Variants in PTX4 observed in about 807,000 individuals in gnomAD.
The protein encoded by PTX4 is pentraxin 4.
PTX4 carries 23 observed loss-of-function variants against 19.1 expected under a neutral mutation model. The ratio of observed to expected loss-of-function variants is 1.20; its 90% CI spans 0.87 to 1.70. The LOEUF (loss-of-function observed/expected upper bound fraction) is 1.70, where lower values mean the gene tolerates loss of function less well. Among genes scored for constraint, PTX4 ranks in the 40% most tolerant of loss-of-function variants. The pLI is 0.00. For missense variants in PTX4, 678 were observed against 610.5 expected (o/e 1.11, Z -1.17); for synonymous variants, 317 against 279.6 (o/e 1.13, Z -1.33).
In PTX4 at chr16:1,488,842, G is replaced by A. The variant is rs1428730689; in HGVS notation, c.68C>T (p.Ala23Val). Residue 23 changes from alanine (A) to valine (V), a missense_variant, in exon 1 of 3, where the codon GCT becomes GTT. Physicochemically the swap from Ala to Val is moderately conservative, Grantham distance 64 (BLOSUM62 0). Coordinates refer to ENST00000447419, the MANE Select transcript of PTX4 (RefSeq NM_001328608.2). Reference sequence around the variant, plus strand: ...CACTGGGGCGGCTTCCTGCGATGAAGCCCCATGTAGATATATAGGCACAAA... The same window carrying A: ...CACTGGGGCGGCTTCCTGCGATGAAACCCCATGTAGATATATAGGCACAAA... ...LVFVPIYLHG[A>V]SSQEAAPVGP... 4.3e-6 allele frequency: 3 copies of A among 702,582 alleles called. No homozygotes were observed. The highest frequency in any genetic ancestry group is 2.6e-6 in the Non-Finnish European group (1 of 384,676). The allele number at this position is 702,582 out of a possible 1,614,324, so 43.5% of individuals were successfully genotyped here. A position where few individuals can be genotyped will look rare whatever the true frequency, so the allele number is the denominator to read the frequency against.
At position 1,486,181 on chromosome 16, in the gene PTX4, C is replaced by CT. The variant is rs1567283755; in HGVS notation, c.1194dup (p.Gly399ArgfsTer?). 32 of 1,613,924 alleles carry CT rather than the reference C, an allele frequency of 2.0e-5. No individual in the cohort carries two copies. The highest frequency in any genetic ancestry group is 2.7e-5 in the Non-Finnish European group (32 of 1,179,950). On this transcript the variant is annotated frameshift_variant, in exon 3 of 3. Transcript: ENST00000447419. LOFTEE classifies it low-confidence loss of function (END_TRUNC). Reference sequence around the variant, plus strand: ...TGTTCCTGGCCCAGCACGAGGGACCCTCCGGGGGGGATCTCATAGCCCTCC... The same window carrying CT: ...TGTTCCTGGCCCAGCACGAGGGACCCTTCCGGGGGGGATCTCATAGCCCTCC...
In PTX4 at chr16:1,488,856, T is replaced by C. The variant is rs961667525; in HGVS notation, c.54A>G (p.Ile18Met). The change falls in exon 1 of 3, where the codon ATA (isoleucine) becomes ATG (methionine). Residue 18 changes from isoleucine (I) to methionine (M), a missense_variant. Transcript: ENST00000447419. ...CCTGCGATGAAGCCCCATGTAGATA[T>C]ATAGGCACAAAAACAAGGAAGAAAG... ...TLSFFLVFVP[I>M]YLHGASSQEA... The C allele has an allele frequency of 1.0e-5, 7 of 701,966 alleles. No individual in the cohort carries two copies. Among genetic ancestry groups the C allele is most frequent in the African/African-American group, 3.5e-5 (2 of 57,202 alleles). The allele number at this position is 701,966 out of a possible 1,614,324, so 43.5% of individuals were successfully genotyped here.
chr16:1,486,279 A>C lies in PTX4; in HGVS notation c.1097T>G (p.Ile366Ser), dbSNP rs372111414. Residue 366 changes from isoleucine (I) to serine (S), a missense_variant, in exon 3 of 3, where the codon ATC becomes AGC. Physicochemically the swap from Ile to Ser is moderately radical, Grantham distance 142. Transcript: ENST00000447419. Reference sequence around the variant, plus strand: ...GTACCTGCCCTGGGTGGACGTCCAGATGACACAGATGTGGTGCCACTGGCC... The same window carrying C: ...GTACCTGCCCTGGGTGGACGTCCAGCTGACACAGATGTGGTGCCACTGGCC... Reference protein sequence around the residue: ...LDGQWHHICVIWTSTQGRYWL... With the variant: ...LDGQWHHICVSWTSTQGRYWL... 6.2e-7 allele frequency: 1 copy of C among 1,613,594 alleles called. No homozygotes were observed. The highest frequency in any genetic ancestry group is 1.3e-5 in the African/African-American group (1 of 75,076).
At chr16:1,486,715 G>T in intron 2 of PTX4, 136 bp from the exon 3 acceptor site, 1 of 884,810 alleles carries the variant, frequency 1.1e-6, no homozygotes, top group Non-Finnish European at 1.7e-6. Context: ...CGCTGGCCCT[G>T]CCGATGGCTC....
At position 1,487,341 on chromosome 16, in the gene PTX4, T is replaced by C. The variant is rs139819657; in HGVS notation, c.771A>G (p.Ala257=). Reference sequence around the variant, plus strand: ...TCTCTCCTGGCACCTGGGGGGACCATGCCTGCTGCCGAGGGTCTTTTGGGG... The same window carrying C: ...TCTCTCCTGGCACCTGGGGGGACCACGCCTGCTGCCGAGGGTCTTTTGGGG... ...GTAPKDPRQQ[A]WSPQVPGEIC... Residue 257 remains alanine (A), a synonymous_variant, in exon 2 of 3, where the codon GCA becomes GCG. Coordinates refer to ENST00000447419, the MANE Select transcript of PTX4 (RefSeq NM_001328608.2). 8 of 1,553,058 alleles carry C rather than the reference T, an allele frequency of 5.2e-6. No individual in the cohort carries two copies. In the East Asian group the frequency reaches 1.4e-4, roughly 27 times the overall value.
Position 1,488,306 on chromosome 16 carries a change from C to T in PTX4, c.142-336G>A, listed in dbSNP as rs746245630. 9 of 1,603,186 alleles carry T rather than the reference C, an allele frequency of 5.6e-6. No individual in the cohort carries two copies. The South Asian group carries it at 8.8e-5, about 16-fold the overall frequency. Reference sequence around the variant, plus strand: ...TGTGAGCAGGGGACGGCAGGGTGGCCTCATGAGTGCTTTACGAGGCCCAAA... The same window carrying T: ...TGTGAGCAGGGGACGGCAGGGTGGCTTCATGAGTGCTTTACGAGGCCCAAA... On this transcript the variant is annotated intron_variant, in intron 1 of 2. Coordinates refer to ENST00000447419, the MANE Select transcript of PTX4 (RefSeq NM_001328608.2).
At chr16:1,488,378 C>T in intron 1 of PTX4, 2 of 1,613,950 alleles carry the variant, frequency 1.2e-6, no homozygotes, top group Non-Finnish European at 1.7e-6. Context: ...CACTCCGGAA[C>T]TGTCCGTGGA....
chr16:1,487,231 T>C, intron 2 of PTX4, 85 bp downstream of exon 2: 1 of 1,339,354 alleles, frequency 7.5e-7, no homozygotes, highest in South Asian at 1.8e-5. Flanking sequence ...ACTGAACCTC[T>C]TTTGAGAAGC....
intron 1 of PTX4, 122 bp downstream of exon 1, chr16:1,488,647 C>A: frequency 1.6e-6 from 1 of 638,338 alleles, no homozygotes. Flanking sequence ...ATGGAAAGAG[C>A]GTCACACGCG....
chr16:1,488,828 C>T lies in PTX4; in HGVS notation c.82G>A (p.Ala28Thr), dbSNP rs1278631534. Reference sequence around the variant, plus strand: ...GGTTTCCTGGGCCCCACTGGGGCGGCTTCCTGCGATGAAGCCCCATGTAGA... The same window carrying T: ...GGTTTCCTGGGCCCCACTGGGGCGGTTTCCTGCGATGAAGCCCCATGTAGA... ...IYLHGASSQE[A>T]APVGPRKPFF... Residue 28 changes from alanine to threonine, a missense_variant, in exon 1 of 3, where the codon GCC (alanine) becomes ACC (threonine). Transcript: ENST00000447419. 2.8e-6 allele frequency: 2 copies of T among 702,452 alleles called. No individual in the cohort carries two copies. The highest frequency in any genetic ancestry group is 2.0e-5 in the Admixed American group (1 of 49,968). The allele number at this position is 702,452 out of a possible 1,614,324, so 43.5% of individuals were successfully genotyped here. A position where few individuals can be genotyped will look rare whatever the true frequency, so the allele number is the denominator to read the frequency against.
chr16:1,488,346 C>G (rs766152448), intron 1 of PTX4: 7 of 1,613,304 alleles, frequency 4.3e-6, no homozygotes, highest in Non-Finnish European at 5.9e-6. Flanking sequence ...AAGCACCCAG[C>G]GCAGGCCCGA....
chr16:1,486,091 T>C lies in PTX4; in HGVS notation c.1285A>G (p.Ile429Val), dbSNP rs756703619. 5.6e-6 allele frequency: 9 copies of C among 1,614,170 alleles called. No homozygotes were observed. The highest frequency in any genetic ancestry group is 5.0e-5 in the Admixed American group (3 of 60,026). Residue 429 changes from isoleucine to valine, a missense_variant, in exon 3 of 3, where the codon ATC (isoleucine) becomes GTC (valine). Physicochemically the swap from Ile to Val is conservative, Grantham distance 29. Coordinates refer to ENST00000447419, the MANE Select transcript of PTX4 (RefSeq NM_001328608.2). ...AFVGSMSGLA[I>V]WDRALVPGEV... ...CCGGGAACCAGCGCCCGATCCCAGA[T>C]AGCCAAGCCAGACATGCTCCCCACG...
Position 1,486,152 on chromosome 16 carries a change from G to A in PTX4, c.1224C>T (p.Asp408=). Residue 408 remains aspartate, a synonymous_variant, in exon 3 of 3, where the codon GAC becomes GAT. Transcript: ENST00000447419. ...GGSLVLGQEQ[D]SVGGGFDSSE... Reference sequence around the variant, plus strand: ...AGCTGTCGAATCCGCCCCCCACGCTGTCTTGTTCCTGGCCCAGCACGAGGG... The same window carrying A: ...AGCTGTCGAATCCGCCCCCCACGCTATCTTGTTCCTGGCCCAGCACGAGGG... The A allele has an allele frequency of 4.3e-6, 7 of 1,614,144 alleles. No individual in the cohort carries two copies. Among genetic ancestry groups the A allele is most frequent in the Non-Finnish European group, 5.9e-6 (7 of 1,180,028 alleles).
In PTX4 at chr16:1,487,985, C is replaced by T. The variant is rs189237168; in HGVS notation, c.142-15G>A. On this transcript the variant is annotated splice_polypyrimidine_tract_variant and intron_variant, in intron 1 of 2. Transcript: ENST00000447419. Reference sequence around the variant, plus strand: ...AATCTCCGGAACTGTAAGGAGGACACGGTGATGATGGGGCGGGCCGGGCCG... The same window carrying T: ...AATCTCCGGAACTGTAAGGAGGACATGGTGATGATGGGGCGGGCCGGGCCG... 2.1e-4 allele frequency: 319 copies of T among 1,515,684 alleles called. 1 individual carries two copies. The East Asian group carries it at 7.5e-3, about 36-fold the overall frequency. The allele number at this position is 1,515,684 out of a possible 1,614,324, so 93.9% of individuals were successfully genotyped here.
rs13334794 is a variant in PTX4 at position 1,488,068 on chromosome 16, G to A, written c.142-98C>T. ...CTCTCAAGTTGGGAGCAGCGGCCGC[G>A]TGCCCGGGCCACGGCCAGCACTGGC... is the stretch of plus-strand genomic sequence containing the variant. On this transcript the variant is annotated intron_variant, in intron 1 of 2. Transcript: ENST00000447419. The A allele has an allele frequency of 7.6e-4, 980 of 1,282,956 alleles. 9 individuals carry two copies. The African/African-American group carries it at 0.013, about 17-fold the overall frequency. The allele number at this position is 1,282,956 out of a possible 1,614,324, so 79.5% of individuals were successfully genotyped here.
Position 1,486,575 on chromosome 16 carries a change from G to A in PTX4, c.801C>T (p.Cys267=), listed in dbSNP as rs778394951. ...AWSPQVPGEI[C]GVGPTLVFPN... is the part of the protein sequence containing the mutation. ...GGAAAACGAGGGTGGGGCCCACGCC[G>A]CAAACTAGAAACAGAGGAGGGAGGG... is the stretch of plus-strand genomic sequence containing the variant. The change falls in exon 3 of 3, where the codon TGC becomes TGT. Residue 267 remains cysteine (C), a synonymous_variant. Transcript: ENST00000447419. The A allele has an allele frequency of 1.0e-5, 16 of 1,541,430 alleles. No homozygotes were observed. The highest frequency in any genetic ancestry group is 1.4e-5 in the African/African-American group (1 of 72,546).
intron 2 of PTX4, 28 bp from the exon 3 acceptor site, chr16:1,486,607 C>T: frequency 2.0e-6 from 3 of 1,520,358 alleles, no homozygotes; most frequent in Non-Finnish European, 2.6e-6. Flanking sequence ...AGGGTCAACC[C>T]CTTGCAGGAG....
At chr16:1,488,738 C>A in intron 1 of PTX4, 31 bp downstream of exon 1, 3 of 663,930 alleles carry the variant, frequency 4.5e-6, no homozygotes, top group Non-Finnish European at 8.3e-6. Flanking sequence ...ATTTAAAAAC[C>A]CGACTGCGCC....
In PTX4 at chr16:1,488,010, G is replaced by A. The variant is rs760478606; in HGVS notation, c.142-40C>T. ...CGGTGATGATGGGGCGGGCCGGGCC[G>A]GGCCGGCTGGGCGGGACGGGAAAGG... is the stretch of plus-strand genomic sequence containing the variant. On this transcript the variant is annotated intron_variant, in intron 1 of 2. Transcript: ENST00000447419. 75 of 1,521,178 alleles carry A rather than the reference G, an allele frequency of 4.9e-5. No homozygotes were observed. In the Middle Eastern group the frequency reaches 8.8e-4, roughly 18 times the overall value. The allele number at this position is 1,521,178 out of a possible 1,614,324, so 94.2% of individuals were successfully genotyped here. A position where few individuals can be genotyped will look rare whatever the true frequency, so the allele number is the denominator to read the frequency against.
Sources: allele counts gnomAD v4.1 joint callset, GRCh38; gene constraint gnomAD v4.1.1; transcripts MANE v1.5; gene names NCBI Gene and HGNC (gene_info 2026-07-23, HGNC 2026-07-21).